The following PRIM2 variants were observed in gnomAD, a reference collection of about 807,000 sequenced individuals.
The protein encoded by PRIM2 is DNA primase large subunit.
PRIM2 carries 39 observed loss-of-function variants against 67.3 expected under a neutral mutation model. The ratio of observed to expected loss-of-function variants is 0.58; its 90% CI spans 0.45 to 0.76. The LOEUF (loss-of-function observed/expected upper bound fraction) is 0.76. PRIM2 is among the 30% of genes least tolerant of loss of function. The probability of loss-of-function intolerance (pLI) is 0.00; values close to 1 mark genes in which losing one functional copy is unlikely to be tolerated. For synonymous variants in PRIM2, 143 were observed against 198.7 expected (o/e 0.72, Z 2.36); for missense variants, 398 against 598.7 (o/e 0.66, Z 3.50).
chr6:57,576,981 G>A (rs1158829791), intron 10 of PRIM2, among the ~76,000 whole-genome samples: 58,867 of 151,302 alleles, frequency 0.39, 11,726 homozygotes, highest in East Asian at 0.65. Flanking sequence ...AGACTTGCTG[G>A]ATGTCATAGT....
chr6:57,241,688 A>ATTTTTTTT, the PRIM2 span, among the ~76,000 whole-genome samples: 6 of 119,078 alleles, frequency 5.0e-5, no homozygotes, highest in African/African-American at 1.3e-4. Context: ...AGAACTATGT[A>ATTTTTTTT]TTTTTTTTTT....
At chr6:57,310,413 T>C (rs972477522), upstream of PRIM2, among the ~76,000 whole-genome samples, 261 of 152,358 alleles carry the variant, frequency 1.7e-3, 4 homozygotes, top group Admixed American at 6.9e-3. Flanking sequence ...GAATTTTTCT[T>C]AGTACAGAAC....
intron 5 of PRIM2, among the ~76,000 whole-genome samples, chr6:57,373,064 T>C (rs574059260): frequency 6.6e-6 from 1 of 152,334 alleles, no homozygotes; most frequent in South Asian, 2.1e-4. Flanking sequence ...GTTGAACTAA[T>C]TTACTCTTCC....
At chr6:57,467,153 G>C (rs1332347730) in intron 7 of PRIM2, among the ~76,000 whole-genome samples, 8 of 146,070 alleles carry the variant, frequency 5.5e-5, no homozygotes, top group Non-Finnish European at 1.2e-4. Flanking sequence ...TGTTAGTTTT[G>C]GCTTTTGTTG....
At chr6:57,330,797 G>C (rs550136233) in intron 5 of PRIM2, among the ~76,000 whole-genome samples, 7 of 152,088 alleles carry the variant, frequency 4.6e-5, no homozygotes, top group African/African-American at 1.4e-4. Context: ...TCTAATTCTA[G>C]TTGAATATTT....
intron 12 of PRIM2, among the ~76,000 whole-genome samples, chr6:57,624,894 G>A (rs1776920902): frequency 6.6e-6 from 1 of 152,160 alleles, no homozygotes; most frequent in African/African-American, 2.4e-5. Flanking sequence ...GGCATAGGAG[G>A]CCTCACAATC....
chr6:57,384,246 T>G (rs1025147753), intron 7 of PRIM2, among the ~76,000 whole-genome samples: 2 of 152,198 alleles, frequency 1.3e-5, no homozygotes, highest in African/African-American at 2.4e-5. Flanking sequence ...CCATGCTTCC[T>G]CTGAAGGTGC....
intron 9 of PRIM2, among the ~76,000 whole-genome samples, chr6:57,537,101 T>C (rs1775017143): frequency 6.6e-6 from 1 of 152,222 alleles, no homozygotes; most frequent in Non-Finnish European, 1.5e-5. Flanking sequence ...GGATATATGC[T>C]ATCTCTTTGT....
At chr6:57,385,313 C>T (rs1770106012) in intron 7 of PRIM2, among the ~76,000 whole-genome samples, 1 of 152,038 alleles carries the variant, frequency 6.6e-6, no homozygotes, top group Non-Finnish European at 1.5e-5. Context: ...CTCATTCTTC[C>T]CCTTCCAAAC....
chr6:57,370,961 G>A (rs1396152959), intron 5 of PRIM2, among the ~76,000 whole-genome samples: 1 of 152,022 alleles, frequency 6.6e-6, no homozygotes, highest in Non-Finnish European at 1.5e-5. Flanking sequence ...GCCTCCCAAA[G>A]TGCTGGGATT....
chr6:57,221,930 G>A, the PRIM2 span: 1 of 152,544 alleles, frequency 6.6e-6, no homozygotes, highest in East Asian at 1.9e-4. Context: ...GGGAGAAGCT[G>A]AGTCTTCCCC....
At chr6:57,638,072 C>T (rs1481967761) in intron 13 of PRIM2, among the ~76,000 whole-genome samples, 1 of 142,614 alleles carries the variant, frequency 7.0e-6, no homozygotes, top group Non-Finnish European at 1.5e-5. Flanking sequence ...CCCTACAAGC[C>T]AGAATAGAGT....
the PRIM2 span, among the ~76,000 whole-genome samples, chr6:57,251,807 T>G: frequency 3.3e-5 from 5 of 152,230 alleles, no homozygotes; most frequent in African/African-American, 1.2e-4. Context: ...GAATGCATAT[T>G]TCCGCTTTCT....
At chr6:57,443,546 G>T (rs540123235) in intron 7 of PRIM2, among the ~76,000 whole-genome samples, 1 of 152,170 alleles carries the variant, frequency 6.6e-6, no homozygotes, top group Admixed American at 6.5e-5. Context: ...GGCCATTTGC[G>T]TGTCTGCTCT....
chr6:57,515,316 G>C (rs1554348114), intron 8 of PRIM2, among the ~76,000 whole-genome samples: 4 of 152,190 alleles, frequency 2.6e-5, no homozygotes, highest in Admixed American at 1.3e-4. Flanking sequence ...GTGTGTTCAG[G>C]CAAAGTAACT....
At chr6:57,434,949 A>AT (rs60461511) in intron 7 of PRIM2, 78,477 of 146,744 alleles carry the variant, frequency 0.53, 21,007 homozygotes, top group South Asian at 0.63. Flanking sequence ...TGATTTTTGT[A>AT]TTTTTTTTTT....
intron 5 of PRIM2, among the ~76,000 whole-genome samples, chr6:57,343,255 T>G: frequency 6.6e-6 from 1 of 152,226 alleles, no homozygotes; most frequent in Non-Finnish European, 1.5e-5. Flanking sequence ...TGGTATAGTT[T>G]GGGTTGTCAT....
chr6:57,493,591 G>A (rs1197861848), intron 7 of PRIM2, among the ~76,000 whole-genome samples: 1 of 152,168 alleles, frequency 6.6e-6, no homozygotes, highest in Middle Eastern at 3.2e-3. Context: ...TTGGTGCTCT[G>A]TGCTTTGTCC....
intron 8 of PRIM2, among the ~76,000 whole-genome samples, chr6:57,526,597 G>GA (rs1445426933): frequency 1.3e-5 from 2 of 152,090 alleles, no homozygotes; most frequent in Admixed American, 6.5e-5. Flanking sequence ...CTTCTATATT[G>GA]AAAAAAATGG....
Sources: gnomAD v4.1 joint callset for allele counts (sites outside exome capture counted in the v4.1 genomes callset) on GRCh38, gnomAD v4.1.1 for gene constraint, MANE v1.5 for transcripts, NCBI Gene and HGNC (gene_info 2026-07-23, HGNC 2026-07-21) for gene names.